The following GRM8 variants were observed in gnomAD, a reference collection of about 807,000 sequenced individuals.
GRM8 encodes the protein glutamate metabotropic receptor 8.
Under a neutral mutation model 87.2 loss-of-function variants are expected in GRM8, and 47 were observed. The observed-to-expected ratio is 0.54, with a 90% CI of 0.43 to 0.69. The LOEUF (loss-of-function observed/expected upper bound fraction) is 0.69. Ranked by LOEUF, GRM8 falls within the 30% of genes least tolerant of loss-of-function variation. GRM8 has a pLI of 0.00. For missense variants in GRM8, 1,019 were observed against 1,139.2 expected (o/e 0.89, Z 1.52); for synonymous variants, 396 against 404.5 (o/e 0.98, Z 0.25).
intron 3 of GRM8, among the ~76,000 whole-genome samples, chr7:126,986,967 C>G (rs1472310806): frequency 6.6e-6 from 1 of 152,060 alleles, no homozygotes; most frequent in Non-Finnish European, 1.5e-5. Context: ...GTAATATCAT[C>G]CCTATTTTTC....
At chr7:127,004,795 C>G (rs1814098872) in intron 3 of GRM8, among the ~76,000 whole-genome samples, 1 of 151,524 alleles carries the variant, frequency 6.6e-6, no homozygotes, top group Non-Finnish European at 1.5e-5. Context: ...ACATGTTTCT[C>G]TGGACTTTCC....
chr7:127,179,776 G>A (rs17867319), intron 2 of GRM8, among the ~76,000 whole-genome samples: 1,623 of 152,146 alleles, frequency 0.011, 28 homozygotes, highest in African/African-American at 0.036. Flanking sequence ...AATCAAGATG[G>A]AAATTAAAAA....
At chr7:126,885,285 G>C (rs966647823) in intron 6 of GRM8, among the ~76,000 whole-genome samples, 26 of 152,154 alleles carry the variant, frequency 1.7e-4, no homozygotes, top group Non-Finnish European at 1.5e-5. Context: ...TATTCATAGT[G>C]ATGTGCTATA....
At chr7:126,816,489 C>T (rs759576133) in intron 6 of GRM8, among the ~76,000 whole-genome samples, 16 of 152,114 alleles carry the variant, frequency 1.1e-4, no homozygotes, top group Admixed American at 5.9e-4. Flanking sequence ...GTAAATAGAC[C>T]TTAAAATCAC....
chr7:127,095,284 C>G (rs1482412366), intron 3 of GRM8, among the ~76,000 whole-genome samples: 1 of 151,580 alleles, frequency 6.6e-6, no homozygotes, highest in Non-Finnish European at 1.5e-5. Flanking sequence ...CATTCCAAAC[C>G]CTGGCAACTT....
At chr7:126,552,574 C>G (rs1243288905) in intron 8 of GRM8, among the ~76,000 whole-genome samples, 1 of 152,086 alleles carries the variant, frequency 6.6e-6, no homozygotes, top group South Asian at 2.1e-4. Context: ...ATTGTACAAA[C>G]TTTCCAGGAT....
At chr7:126,777,168 T>C (rs931881149) in intron 6 of GRM8, among the ~76,000 whole-genome samples, 1 of 152,170 alleles carries the variant, frequency 6.6e-6, no homozygotes, top group Non-Finnish European at 1.5e-5. Context: ...AGAGAAGATT[T>C]TAGGTCTCTT....
At chr7:126,999,540 T>C (rs2132019533) in intron 3 of GRM8, among the ~76,000 whole-genome samples, 1 of 151,632 alleles carries the variant, frequency 6.6e-6, no homozygotes, top group Admixed American at 6.6e-5. Context: ...AAAAACTCTA[T>C]AGGAAAAAAT....
At chr7:126,713,355 C>G (rs935520294) in intron 7 of GRM8, among the ~76,000 whole-genome samples, 9 of 152,160 alleles carry the variant, frequency 5.9e-5, no homozygotes, top group Admixed American at 5.2e-4. Context: ...AACAGAAAAC[C>G]AAATACCACA....
intron 6 of GRM8, among the ~76,000 whole-genome samples, chr7:126,864,160 T>C (rs1180699765): frequency 6.7e-6 from 1 of 150,088 alleles, no homozygotes; most frequent in Non-Finnish European, 1.5e-5. Flanking sequence ...TATGATCCAC[T>C]ATGCCCAGGA....
At chr7:127,015,184 GAAGAAGAAGAA>G (rs1815468044) in intron 3 of GRM8, among the ~76,000 whole-genome samples, 1 of 45,218 alleles carries the variant, frequency 2.2e-5, no homozygotes, top group Admixed American at 2.7e-4. Context: ...AGGAGAAGAA[GAAGAAGAAGAA>G]GAAGAAGAAG....
At chr7:126,718,081 CA>C (rs1811954623) in intron 7 of GRM8, among the ~76,000 whole-genome samples, 1 of 151,602 alleles carries the variant, frequency 6.6e-6, no homozygotes, top group Non-Finnish European at 1.5e-5. Flanking sequence ...AAAAAAAATA[CA>C]AAAAATTAGC....
chr7:126,557,208 T>C (rs1793237921), intron 8 of GRM8, among the ~76,000 whole-genome samples: 1 of 152,190 alleles, frequency 6.6e-6, no homozygotes, highest in Non-Finnish European at 1.5e-5. Flanking sequence ...ATAGAGTATA[T>C]TTAAGAAGAA....
chr7:127,031,624 C>A (rs181770008), intron 3 of GRM8, among the ~76,000 whole-genome samples: 274 of 152,234 alleles, frequency 1.8e-3, no homozygotes, highest in Admixed American at 2.9e-3. Flanking sequence ...TTAATAAGAT[C>A]ACCTTATTCT....
intron 9 of GRM8, among the ~76,000 whole-genome samples, chr7:126,497,772 T>C (rs1178677915): frequency 6.6e-6 from 1 of 151,966 alleles, no homozygotes; most frequent in African/African-American, 2.4e-5. Flanking sequence ...TGTATAAATG[T>C]GAGTCTTAAA....
rs1164459092 is a variant in GRM8 at position 127,242,682 on chromosome 7, T to C, written c.510+13A>G. ...TCTTTCACAATGGTCAGAAAGACAA[T>C]GCCTTTACCTACCTTAAAAAGTCTT... is the stretch of plus-strand genomic sequence containing the variant. On this transcript the variant is annotated intron_variant, in intron 2 of 10. Transcript: ENST00000339582. 1.2e-6 allele frequency: 2 copies of C among 1,607,046 alleles called. No homozygotes were observed. The highest frequency in any genetic ancestry group is 1.7e-6 in the Non-Finnish European group (2 of 1,176,210).
Position 126,533,026 on chromosome 7 carries a change from T to A in GRM8, c.2356A>T (p.Thr786Ser). 6.2e-7 allele frequency: 1 copy of A among 1,613,696 alleles called. No homozygotes were observed. The highest frequency in any genetic ancestry group is 8.5e-7 in the Non-Finnish European group (1 of 1,179,864). The change falls in exon 9 of 11, where the codon ACC becomes TCC. Residue 786 changes from threonine to serine, a missense_variant. Thr to Ser is a moderately conservative substitution (Grantham distance 58). Coordinates refer to ENST00000339582, the MANE Select transcript of GRM8 (RefSeq NM_000845.3). ...CAAATGATGCAGGTGGTATACATGGTAAATCCAATAGGTTTGGCTTCATTG... is the reference window on the plus strand; with the variant it reads ...CAAATGATGCAGGTGGTATACATGGAAAATCCAATAGGTTTGGCTTCATTG... Reference protein sequence around the residue: ...TFNEAKPIGFTMYTTCIIWLA... With the variant: ...TFNEAKPIGFSMYTTCIIWLA...
chr7:127,144,321 A>G (rs1414890533), intron 2 of GRM8, among the ~76,000 whole-genome samples: 2 of 152,120 alleles, frequency 1.3e-5, no homozygotes, highest in South Asian at 2.1e-4. Flanking sequence ...TGTCTATTCC[A>G]TCATCTGTCT....
intron 7 of GRM8, among the ~76,000 whole-genome samples, chr7:126,765,787 C>T (rs181980454): frequency 2.0e-5 from 3 of 152,118 alleles, no homozygotes; most frequent in Admixed American, 2.0e-4. Context: ...TCTGGCTTCC[C>T]AAGTAGACAG....
Sources: gnomAD v4.1 joint callset for allele counts (sites outside exome capture counted in the v4.1 genomes callset) on GRCh38, gnomAD v4.1.1 for gene constraint, MANE v1.5 for transcripts, NCBI Gene and HGNC (gene_info 2026-07-23, HGNC 2026-07-21) for gene names.